MAD1L1: variants seen among roughly 807,000 people sequenced by gnomAD.
MAD1L1 encodes the protein mitotic spindle assembly checkpoint protein MAD1.
In MAD1L1, 95 loss-of-function variants were observed where a neutral mutation model predicts 96.9. The observed-to-expected ratio is 0.98, with a 90% CI of 0.83 to 1.16. MAD1L1 has a LOEUF of 1.16. MAD1L1 is among the 50% of genes most tolerant of loss of function. The pLI, the probability that MAD1L1 is intolerant of heterozygous loss-of-function variation, is 0.00. For missense variants in MAD1L1, 1,007 were observed against 954.4 expected, an observed-to-expected ratio of 1.06 and a Z score of -0.73; for synonymous variants, 473 against 396.6, an observed-to-expected ratio of 1.19 and a Z score of -2.29.
intron 17 of MAD1L1, among the ~76,000 whole-genome samples, chr7:1,930,594 C>G (rs1789413430): frequency 6.8e-6 from 1 of 146,306 alleles, no homozygotes; most frequent in African/African-American, 2.6e-5. Context: ...CCTCGCCCAC[C>G]CCACTGCCAC....
At chr7:1,938,204 G>A (rs34434418) in intron 16 of MAD1L1, among the ~76,000 whole-genome samples, 1,542 of 55,936 alleles carry the variant, frequency 0.028, 141 homozygotes, top group Middle Eastern at 0.12. Context: ...AGCCGCCCAC[G>A]GCAGGGAGCT....
intron 17 of MAD1L1, among the ~76,000 whole-genome samples, chr7:1,916,900 C>T (rs1339398677): frequency 6.6e-6 from 1 of 152,126 alleles, no homozygotes; most frequent in East Asian, 1.9e-4. Context: ...AGGGCACCCC[C>T]ATTCACCTAC....
intron 11 of MAD1L1, among the ~76,000 whole-genome samples, chr7:2,094,607 G>C (rs544201906): frequency 2.0e-4 from 31 of 152,004 alleles, no homozygotes; most frequent in Middle Eastern, 3.4e-3. Context: ...ATCCAGACAG[G>C]GTGCTCCAGA....
At chr7:2,082,317 A>T (rs1230433814) in intron 11 of MAD1L1, among the ~76,000 whole-genome samples, 1 of 152,010 alleles carries the variant, frequency 6.6e-6, no homozygotes, top group Non-Finnish European at 1.5e-5. Context: ...CGTGTGTGAG[A>T]CAGAGTGCAG....
At chr7:2,097,009 A>G (rs1357281724) in intron 11 of MAD1L1, among the ~76,000 whole-genome samples, 1 of 152,166 alleles carries the variant, frequency 6.6e-6, no homozygotes, top group African/African-American at 2.4e-5. Flanking sequence ...GAAAGCAAGC[A>G]GTGGACCACA....
At chr7:2,057,956 A>C (rs990214142) in intron 12 of MAD1L1, among the ~76,000 whole-genome samples, 1 of 151,922 alleles carries the variant, frequency 6.6e-6, no homozygotes, top group Admixed American at 6.6e-5. Context: ...CATGGAGAGA[A>C]GCAGGGCCGG....
At chr7:2,044,943 G>A (rs1016597055) in intron 12 of MAD1L1, among the ~76,000 whole-genome samples, 6 of 152,146 alleles carry the variant, frequency 3.9e-5, no homozygotes, top group Admixed American at 2.0e-4. Context: ...CCACTCTGAT[G>A]AGCAGCAGCA....
At chr7:2,087,664 G>T (rs1267051597) in intron 11 of MAD1L1, among the ~76,000 whole-genome samples, 1 of 152,246 alleles carries the variant, frequency 6.6e-6, no homozygotes. Flanking sequence ...TGGCAGGGCG[G>T]ACCTCTCCTG....
intron 10 of MAD1L1, among the ~76,000 whole-genome samples, chr7:2,199,156 T>A (rs1322583623): frequency 6.6e-6 from 1 of 152,188 alleles, no homozygotes; most frequent in Non-Finnish European, 1.5e-5. Flanking sequence ...CCTGCCAAAA[T>A]GGCATTTGCA....
chr7:1,857,798 G>C (rs1784331172), intron 18 of MAD1L1, among the ~76,000 whole-genome samples: 1 of 152,244 alleles, frequency 6.6e-6, no homozygotes, highest in Non-Finnish European at 1.5e-5. Flanking sequence ...CCCCCTCTGA[G>C]GCTCTGATGT....
chr7:2,016,422 C>T (rs189236879), intron 12 of MAD1L1, among the ~76,000 whole-genome samples: 3 of 152,304 alleles, frequency 2.0e-5, no homozygotes, highest in Non-Finnish European at 2.9e-5. Flanking sequence ...CACCCAGAAG[C>T]GGAGTGCACA....
chr7:1,951,592 T>C lies in MAD1L1; in HGVS notation c.1596+6037A>G, dbSNP rs191307828. ...ACATCCATCAACACTCACTCTCCAT[T>C]CCCCTGCCCCAGCCCCAGCCCCTGG... On this transcript the variant is annotated intron_variant, in intron 16 of 18. Transcript: ENST00000265854. Among the ~76,000 whole-genome samples the C allele has an allele frequency of 1.7e-3, 259 of 152,028 alleles. 6 individuals are homozygous for C. In the East Asian group the frequency reaches 0.045, roughly 26 times the overall value.
intron 17 of MAD1L1, among the ~76,000 whole-genome samples, chr7:1,927,495 A>G (rs997334149): frequency 1.3e-5 from 2 of 152,218 alleles, no homozygotes; most frequent in Non-Finnish European, 2.9e-5. Flanking sequence ...AGACGCTTAG[A>G]TCAAGGGAAC....
At chr7:2,048,578 C>T (rs1407226411) in intron 12 of MAD1L1, among the ~76,000 whole-genome samples, 6 of 152,342 alleles carry the variant, frequency 3.9e-5, no homozygotes, top group African/African-American at 1.4e-4. Context: ...AACCACACTG[C>T]ATAAGGCCTG....
chr7:1,894,347 GC>G (rs1439628736), intron 18 of MAD1L1, among the ~76,000 whole-genome samples: 1 of 152,184 alleles, frequency 6.6e-6, no homozygotes, highest in African/African-American at 2.4e-5. Flanking sequence ...AATGTTGCAG[GC>G]CCTCCAGAAG....
chr7:2,093,807 G>A (rs909791168), intron 11 of MAD1L1, among the ~76,000 whole-genome samples: 6 of 152,182 alleles, frequency 3.9e-5, no homozygotes, highest in African/African-American at 1.4e-4. Context: ...AGCACGGAAC[G>A]CGGAACCCAG....
intron 18 of MAD1L1, among the ~76,000 whole-genome samples, chr7:1,860,139 G>A (rs1211302968): frequency 2.0e-5 from 3 of 147,534 alleles, no homozygotes; most frequent in Non-Finnish European, 4.5e-5. Flanking sequence ...ACATCTGGCG[G>A]GGCGGCCTCT....
intron 10 of MAD1L1, among the ~76,000 whole-genome samples, chr7:2,176,832 C>G (rs930967600): frequency 6.6e-6 from 1 of 152,176 alleles, no homozygotes; most frequent in Non-Finnish European, 1.5e-5. Flanking sequence ...AAATTCTACT[C>G]AAATTATCAT....
At chr7:2,108,329 T>C (rs1440188251) in intron 11 of MAD1L1, among the ~76,000 whole-genome samples, 2 of 152,220 alleles carry the variant, frequency 1.3e-5, no homozygotes, top group Non-Finnish European at 1.5e-5. Context: ...GTTTAATTCA[T>C]GTCATTCATC....
Sources: allele counts gnomAD v4.1 joint callset (sites outside exome capture counted in the v4.1 genomes callset), GRCh38; gene constraint gnomAD v4.1.1; transcripts MANE v1.5; gene names NCBI Gene and HGNC (gene_info 2026-07-23, HGNC 2026-07-21).